MAPK10: variants seen among roughly 807,000 people sequenced by gnomAD.
The protein encoded by MAPK10 is JNK3 alpha protein kinase.
A neutral mutation model predicts 59.3 loss-of-function variants in MAPK10; 25 were observed. The ratio of observed to expected loss-of-function variants is 0.42; its 90% CI spans 0.31 to 0.59. The LOEUF is 0.59. MAPK10 is among the 20% of genes least tolerant of loss of function. The pLI, the probability that MAPK10 is intolerant of heterozygous loss-of-function variation, is 0.15. For missense variants in MAPK10, 351 were observed against 568.9 expected (o/e 0.62, Z 3.90); for synonymous variants, 190 against 200.5 (o/e 0.95, Z 0.44).
At chr4:86,081,140 TTA>T (rs1437707432) in intron 9 of MAPK10, 2 of 151,962 alleles carry the variant, frequency 1.3e-5, no homozygotes, top group African/African-American at 4.8e-5. Context: ...TGGAAACTTA[TTA>T]GAGAGACAGA....
intron 1 of MAPK10, among the ~76,000 whole-genome samples, chr4:86,526,030 CT>C (rs2149089418): frequency 6.6e-6 from 1 of 152,178 alleles, no homozygotes; most frequent in African/African-American, 2.4e-5. Flanking sequence ...CTGCAGCTTT[CT>C]TTTTTCATGT....
intron 1 of MAPK10, chr4:86,429,590 G>A (rs1430317503): frequency 2.0e-5 from 3 of 151,914 alleles, no homozygotes; most frequent in East Asian, 3.9e-4. Context: ...ATTCCTTGAG[G>A]CCAGGAGTTC....
chr4:86,347,669 G>A (rs1027425304), intron 2 of MAPK10, among the ~76,000 whole-genome samples: 3 of 152,224 alleles, frequency 2.0e-5, no homozygotes, highest in Middle Eastern at 6.8e-3. Flanking sequence ...AATAGATCCG[G>A]TGTCTGTTGA....
intron 1 of MAPK10, among the ~76,000 whole-genome samples, chr4:86,546,833 G>T (rs1759220312): frequency 6.6e-6 from 1 of 152,140 alleles, no homozygotes; most frequent in Admixed American, 6.5e-5. Flanking sequence ...GAGGCGGGTG[G>T]ATCACGAGGT....
At chr4:86,379,437 C>G (rs4575960) in intron 1 of MAPK10, among the ~76,000 whole-genome samples, 133,859 of 152,194 alleles carry the variant, frequency 0.88, 58,920 homozygotes, top group South Asian at 0.94. Context: ...CCCAAAATCT[C>G]GCCATAAACT....
intron 2 of MAPK10, among the ~76,000 whole-genome samples, chr4:86,288,902 A>G (rs2095123775): frequency 6.6e-6 from 1 of 151,012 alleles, no homozygotes; most frequent in African/African-American, 2.5e-5. Flanking sequence ...AAGAAACAGG[A>G]TGAATATAGC....
chr4:86,218,936 T>C (rs1279237419), intron 2 of MAPK10, among the ~76,000 whole-genome samples: 1 of 152,206 alleles, frequency 6.6e-6, no homozygotes, highest in African/African-American at 2.4e-5. Flanking sequence ...AGGCTGGAAA[T>C]GGAAGCGGCT....
rs75337789 is a variant in MAPK10, at chr4:86,202,346, G to A, written c.-6-7939C>T. ...GTTCATTACTTTTGTTATGAATATCGTATAGTATTGTAACCATTCATTTGT... is the reference window on the plus strand; with the variant it reads ...GTTCATTACTTTTGTTATGAATATCATATAGTATTGTAACCATTCATTTGT... On this transcript the variant is annotated intron_variant, in intron 2 of 13. Transcript: ENST00000641462. Among the ~76,000 whole-genome samples the A allele has an allele frequency of 5.6e-3, 843 of 151,748 alleles. 8 individuals carry two copies. Among genetic ancestry groups the A allele is most frequent in the African/African-American group, 0.019 (806 of 41,446 alleles).
intron 2 of MAPK10, among the ~76,000 whole-genome samples, chr4:86,274,979 C>G (rs2094533075): frequency 6.6e-6 from 1 of 151,970 alleles, no homozygotes. Flanking sequence ...CTCTCTAAGG[C>G]TTTACATATA....
chr4:86,411,129 T>C (rs1745120083), intron 1 of MAPK10, among the ~76,000 whole-genome samples: 1 of 152,212 alleles, frequency 6.6e-6, no homozygotes, highest in African/African-American at 2.4e-5. Context: ...TCAAAGAACA[T>C]CTTTATTTCT....
At chr4:86,138,861 C>T (rs2062882108) in intron 4 of MAPK10, among the ~76,000 whole-genome samples, 1 of 151,988 alleles carries the variant, frequency 6.6e-6, no homozygotes. Context: ...AACCAATGTG[C>T]AAAAATCACA....
chr4:86,267,808 T>G (rs2094305556), intron 2 of MAPK10, among the ~76,000 whole-genome samples: 1 of 152,086 alleles, frequency 6.6e-6, no homozygotes, highest in Non-Finnish European at 1.5e-5. Flanking sequence ...TAAAAAAAAA[T>G]TAGCAAAACC....
chr4:86,281,392 T>C (rs2094797484), intron 2 of MAPK10, among the ~76,000 whole-genome samples: 1 of 151,922 alleles, frequency 6.6e-6, no homozygotes, highest in South Asian at 2.1e-4. Flanking sequence ...TGCCACCTAC[T>C]TGGGAGACTG....
At chr4:86,154,766 T>G (rs1204189830) in intron 4 of MAPK10, among the ~76,000 whole-genome samples, 2 of 152,080 alleles carry the variant, frequency 1.3e-5, no homozygotes, top group South Asian at 2.1e-4. Context: ...AAATATTTTT[T>G]CGGCATAAGT....
In MAPK10 at chr4:86,067,822, G is replaced by T. The variant is rs1222573191; in HGVS notation, c.936C>A (p.Leu312=). The T allele has an allele frequency of 2.5e-6, 4 of 1,613,950 alleles. No homozygotes were observed. In the Admixed American group the frequency reaches 6.7e-5, roughly 27 times the overall value. The change falls in exon 10 of 14, where the codon CTC becomes CTA. Residue 312 remains leucine, a synonymous_variant. Transcript: ENST00000641462. The part of the protein sequence containing the change: ...PKYAGLTFPK[L]FPDSLFPADS... The stretch of plus-strand genomic sequence containing the variant: ...CCGCTGGGAAGAGGGAATCTGGGAA[G>T]AGTTTGGGGAAGGTGAGTCCCGCAT...
intron 2 of MAPK10, among the ~76,000 whole-genome samples, chr4:86,335,632 T>C (rs1052051836): frequency 6.6e-6 from 1 of 151,936 alleles, no homozygotes. Flanking sequence ...TTCACACTGC[T>C]ATAAAGACAT....
At chr4:86,327,777 T>TAAAAAA (rs2096060450) in intron 2 of MAPK10, 1 of 22,632 alleles carries the variant, frequency 4.4e-5, no homozygotes, top group Admixed American at 5.1e-4. Context: ...CCATCTCTAC[T>TAAAAAA]AAAAATACAA....
chr4:86,139,282 A>G (rs2063030181), intron 4 of MAPK10, among the ~76,000 whole-genome samples: 1 of 149,984 alleles, frequency 6.7e-6, no homozygotes, highest in Non-Finnish European at 1.5e-5. Context: ...ACTTCAAACT[A>G]TACTACAAGG....
intron 11 of MAPK10, among the ~76,000 whole-genome samples, chr4:86,058,320 C>T (rs929575016): frequency 6.7e-6 from 1 of 149,460 alleles, no homozygotes; most frequent in African/African-American, 2.5e-5. Flanking sequence ...CAGCCCTGGA[C>T]ACATTTGCCC....
Sources: gnomAD v4.1 joint callset for allele counts (sites outside exome capture counted in the v4.1 genomes callset) on GRCh38, gnomAD v4.1.1 for gene constraint, MANE v1.5 for transcripts, NCBI Gene and HGNC (gene_info 2026-07-23, HGNC 2026-07-21) for gene names.